Variants in FSTL5 observed in about 807,000 individuals in gnomAD.
FSTL5 encodes the protein follistatin like 5, also known as follistatin-related protein 5.
A neutral mutation model predicts 89.1 loss-of-function variants in FSTL5; 62 were observed. That is an observed-to-expected ratio of 0.70 (90% CI 0.57 to 0.86). FSTL5 has a LOEUF of 0.86. FSTL5 is among the 40% of genes least tolerant of loss of function. The pLI is 0.00. For synonymous variants in FSTL5, 383 were observed against 346.2 expected (o/e 1.11, Z -1.18); for missense variants, 1,057 against 1,001.6 (o/e 1.06, Z -0.75).
At chr4:162,060,543 A>G (rs898284187) in intron 2 of FSTL5, among the ~76,000 whole-genome samples, 1 of 152,072 alleles carries the variant, frequency 6.6e-6, no homozygotes, top group Non-Finnish European at 1.5e-5. Context: ...TATTGTTCCT[A>G]TATAGTATAT....
chr4:161,770,789 T>C (rs1741181303), intron 5 of FSTL5, among the ~76,000 whole-genome samples: 1 of 151,860 alleles, frequency 6.6e-6, no homozygotes, highest in African/African-American at 2.4e-5. Flanking sequence ...ATAATATTTA[T>C]TTTAAGTTCA....
chr4:161,573,992 G>C (rs904756153), intron 8 of FSTL5, among the ~76,000 whole-genome samples: 1 of 152,086 alleles, frequency 6.6e-6, no homozygotes, highest in African/African-American at 2.4e-5. Flanking sequence ...TTCATGCATT[G>C]TCTGGCTTCT....
chr4:161,500,518 T>C (rs1248917569), intron 11 of FSTL5, among the ~76,000 whole-genome samples: 1 of 152,168 alleles, frequency 6.6e-6, no homozygotes, highest in Non-Finnish European at 1.5e-5. Context: ...ACTACTTTTA[T>C]TAGAGTTCAC....
At chr4:161,513,126 T>C (rs1223628743) in intron 10 of FSTL5, among the ~76,000 whole-genome samples, 1 of 152,028 alleles carries the variant, frequency 6.6e-6, no homozygotes, top group Non-Finnish European at 1.5e-5. Context: ...CACCAATAAA[T>C]TGAATATTTT....
chr4:162,098,400 T>C (rs1730851099), intron 2 of FSTL5, among the ~76,000 whole-genome samples: 1 of 152,026 alleles, frequency 6.6e-6, no homozygotes, highest in Admixed American at 6.6e-5. Context: ...CATCTATATA[T>C]TGATGTATTT....
chr4:161,817,853 A>G (rs1490802788), intron 4 of FSTL5, among the ~76,000 whole-genome samples: 1 of 152,258 alleles, frequency 6.6e-6, no homozygotes, highest in Non-Finnish European at 1.5e-5. Flanking sequence ...ATATTTATAT[A>G]GAAGTACTGG....
chr4:161,717,755 A>G (rs1739037645), intron 6 of FSTL5, among the ~76,000 whole-genome samples: 1 of 152,216 alleles, frequency 6.6e-6, no homozygotes, highest in Admixed American at 6.5e-5. Flanking sequence ...ATGAAATGAT[A>G]TTGTTAAATC....
chr4:161,427,768 A>G (rs1732214767), intron 15 of FSTL5, among the ~76,000 whole-genome samples: 1 of 152,180 alleles, frequency 6.6e-6, no homozygotes, highest in African/African-American at 2.4e-5. Context: ...AATGTGACAA[A>G]TGGTACACAG....
At chr4:162,114,570 A>C (rs1355447160) in intron 1 of FSTL5, among the ~76,000 whole-genome samples, 1 of 145,986 alleles carries the variant, frequency 6.8e-6, no homozygotes, top group Non-Finnish European at 1.5e-5. Flanking sequence ...ACACACACAT[A>C]TTCTATATGA....
rs28830301 is a variant in FSTL5, at chr4:161,411,094, G to A, written c.1842-24645C>T. Among the ~76,000 whole-genome samples, 955 of 150,394 alleles carry A rather than the reference G, an allele frequency of 6.3e-3. 5 individuals are homozygous for A. Among genetic ancestry groups the A allele is most frequent in the African/African-American group, 0.021 (876 of 41,464 alleles). The stretch of plus-strand genomic sequence containing the variant: ...TATGCACAGAAATTCTAGAAGAAAT[G>A]AATAAATTCCTAGAAGCAGACAATC... On this transcript the variant is annotated intron_variant, in intron 15 of 15. Transcript: ENST00000306100.
At chr4:161,833,073 A>G (rs1579125617) in intron 4 of FSTL5, among the ~76,000 whole-genome samples, 1 of 150,926 alleles carries the variant, frequency 6.6e-6, no homozygotes, top group African/African-American at 2.4e-5. Context: ...AGATTCTGGT[A>G]TGTTGTGTCT....
Position 161,948,551 on chromosome 4 carries a change from C to T in FSTL5, c.161-27899G>A, listed in dbSNP as rs568848044. Among the ~76,000 whole-genome samples, 10 of 141,892 alleles carry T rather than the reference C, an allele frequency of 7.0e-5. No homozygotes were observed. The East Asian group carries it at 1.8e-3, about 26-fold the overall frequency. The allele number at this position is 141,892 out of a possible 152,430, so 93.1% of individuals were successfully genotyped here. On this transcript the variant is annotated intron_variant, in intron 3 of 15. Coordinates refer to ENST00000306100, the MANE Select transcript of FSTL5 (RefSeq NM_020116.5). ...ACCCAGGCTGGAATGCAGTTCAAGC[C>T]GTTCTCCTGCCTCAGCCTCCTCAGT...
intron 2 of FSTL5, among the ~76,000 whole-genome samples, chr4:162,060,460 C>T (rs977757528): frequency 6.6e-6 from 1 of 151,790 alleles, no homozygotes; most frequent in Non-Finnish European, 1.5e-5. Context: ...ATGTATGAGT[C>T]TATCTAAGCT....
chr4:161,502,103 T>A lies in FSTL5; in HGVS notation c.1340-1969A>T, dbSNP rs917337513. 2.6e-5 allele frequency among the ~76,000 whole-genome samples: 4 copies of A among 152,140 alleles called. No individual in the cohort carries two copies. The South Asian group carries it at 8.3e-4, about 31-fold the overall frequency. ...TTGCCAAAATACTGTTCGAAAATTA[T>A]GAATTTGAATGTGTTTGGGCCTGAC... On this transcript the variant is annotated intron_variant, in intron 11 of 15. Coordinates refer to ENST00000306100, the MANE Select transcript of FSTL5 (RefSeq NM_020116.5).
At chr4:162,099,006 C>G (rs535752551) in intron 2 of FSTL5, among the ~76,000 whole-genome samples, 2 of 152,060 alleles carry the variant, frequency 1.3e-5, no homozygotes, top group African/African-American at 4.8e-5. Flanking sequence ...AGATCTTTTT[C>G]TTCTTTTTCT....
rs189631988 is a variant in FSTL5, at chr4:161,855,857, A to C, written c.409+64547T>G. Among the ~76,000 whole-genome samples, 6 of 152,246 alleles carry C rather than the reference A, an allele frequency of 3.9e-5. 1 individual carries two copies. In the East Asian group the frequency reaches 1.2e-3, roughly 29 times the overall value. On this transcript the variant is annotated intron_variant, in intron 4 of 15. Coordinates refer to ENST00000306100, the MANE Select transcript of FSTL5 (RefSeq NM_020116.5). ...TCCAACCTGTATTACAAAAGTGTGT[A>C]CTATTTGGGCTGAGTTGGAAAAAAT... is the stretch of plus-strand genomic sequence containing the variant.
At chr4:161,803,560 A>G (rs139684102) in intron 4 of FSTL5, among the ~76,000 whole-genome samples, 20 of 151,986 alleles carry the variant, frequency 1.3e-4, no homozygotes, top group Admixed American at 1.3e-3. Context: ...CCAATTGCTG[A>G]CCTACAAATT....
chr4:161,689,204 T>C (rs935659971), intron 6 of FSTL5, among the ~76,000 whole-genome samples: 3 of 152,196 alleles, frequency 2.0e-5, no homozygotes, highest in Non-Finnish European at 4.4e-5. Context: ...AAGGACAGAT[T>C]ATTCTTTTTC....
At chr4:161,876,601 G>A (rs1201337837) in intron 4 of FSTL5, among the ~76,000 whole-genome samples, 2 of 152,020 alleles carry the variant, frequency 1.3e-5, no homozygotes, top group African/African-American at 2.4e-5. Context: ...CTGGCTACAC[G>A]CGGTGGCTCA....
Sources: gnomAD v4.1 joint callset for allele counts (sites outside exome capture counted in the v4.1 genomes callset) on GRCh38, gnomAD v4.1.1 for gene constraint, MANE v1.5 for transcripts, NCBI Gene and HGNC (gene_info 2026-07-23, HGNC 2026-07-21) for gene names.